The following NRXN1 variants were observed in gnomAD, a reference collection of about 807,000 sequenced individuals.
NRXN1 encodes the protein neurexin-1.
Under a neutral mutation model 150.9 loss-of-function variants are expected in NRXN1, and 39 were observed. That is an observed-to-expected ratio of 0.26 (90% confidence interval 0.20 to 0.34). The LOEUF (loss-of-function observed/expected upper bound fraction) is 0.34, where lower values mean the gene tolerates loss of function less well. NRXN1 is among the 10% of genes least tolerant of loss of function. The pLI, the probability that NRXN1 is intolerant of heterozygous loss-of-function variation, is 1.00. For synonymous variants in NRXN1, 924 were observed against 757.0 expected (o/e 1.22, Z -3.62); for missense variants, 1,815 against 1,949.9 (o/e 0.93, Z 1.30).
intron 17 of NRXN1, among the ~76,000 whole-genome samples, chr2:50,421,525 A>G (rs1332569089): frequency 6.6e-6 from 1 of 152,160 alleles, no homozygotes; most frequent in African/African-American, 2.4e-5. Context: ...CAGACATGAA[A>G]CAATATAATT....
intron 21 of NRXN1, among the ~76,000 whole-genome samples, chr2:50,036,795 T>C (rs1032958645): frequency 1.3e-5 from 2 of 152,176 alleles, no homozygotes; most frequent in Non-Finnish European, 2.9e-5. Context: ...GATTCTGTGA[T>C]TAAACCGGCC....
chr2:50,670,569 T>C (rs1688700384), intron 5 of NRXN1, among the ~76,000 whole-genome samples: 1 of 151,908 alleles, frequency 6.6e-6, no homozygotes, highest in South Asian at 2.1e-4. Context: ...TAACATGGAT[T>C]CAATATTATT....
intron 17 of NRXN1, among the ~76,000 whole-genome samples, chr2:50,394,135 C>T (rs1241382571): frequency 2.0e-5 from 3 of 152,060 alleles, no homozygotes; most frequent in African/African-American, 7.2e-5. Flanking sequence ...TATGAGAAGG[C>T]TCAGTTTTCA....
intron 5 of NRXN1, among the ~76,000 whole-genome samples, chr2:50,681,814 C>T (rs1482097816): frequency 1.3e-5 from 2 of 152,098 alleles, no homozygotes; most frequent in Admixed American, 1.3e-4. Flanking sequence ...AATGTTTATA[C>T]AAATTTGACT....
chr2:50,762,897 G>A (rs1338238511), intron 5 of NRXN1, among the ~76,000 whole-genome samples: 3 of 151,904 alleles, frequency 2.0e-5, no homozygotes, highest in African/African-American at 4.8e-5. Flanking sequence ...AGCCCTGCAC[G>A]ATTACTTGAA....
At chr2:50,044,385 T>G (rs1011587265) in intron 21 of NRXN1, among the ~76,000 whole-genome samples, 1 of 152,088 alleles carries the variant, frequency 6.6e-6, no homozygotes, top group African/African-American at 2.4e-5. Context: ...TCTACAGACT[T>G]GATGGTAATG....
intron 18 of NRXN1, among the ~76,000 whole-genome samples, chr2:50,108,557 T>C (rs1701972004): frequency 6.6e-6 from 1 of 152,114 alleles, no homozygotes; most frequent in Admixed American, 6.5e-5. Context: ...TTGAGAAATC[T>C]ATTAACATGC....
intron 17 of NRXN1, among the ~76,000 whole-genome samples, chr2:50,414,036 G>C (rs949012300): frequency 8.7e-6 from 1 of 115,330 alleles, no homozygotes; most frequent in African/African-American, 3.4e-5. Context: ...GGCTGGGAAG[G>C]GTAGTGGGGT....
intron 17 of NRXN1, among the ~76,000 whole-genome samples, chr2:50,301,344 A>G (rs537716778): frequency 3.9e-5 from 6 of 152,330 alleles, no homozygotes; most frequent in African/African-American, 1.4e-4. Flanking sequence ...CACAGAATTC[A>G]AGCACTGAGA....
chr2:50,158,247 C>T (rs995205557), intron 18 of NRXN1, among the ~76,000 whole-genome samples: 1 of 151,464 alleles, frequency 6.6e-6, no homozygotes, highest in Non-Finnish European at 1.5e-5. Flanking sequence ...GTCTGTGGAG[C>T]GTTCATCAGA....
intron 5 of NRXN1, among the ~76,000 whole-genome samples, chr2:50,753,001 T>C (rs1317224957): frequency 2.0e-5 from 3 of 151,948 alleles, no homozygotes; most frequent in Admixed American, 1.3e-4. Flanking sequence ...ATATAAATAC[T>C]ACTCAACTGA....
chr2:50,006,610 C>T (rs1184741950), intron 21 of NRXN1, among the ~76,000 whole-genome samples: 1 of 152,148 alleles, frequency 6.6e-6, no homozygotes, highest in African/African-American at 2.4e-5. Context: ...TACTCTTTTC[C>T]TCAACATTGC....
intron 17 of NRXN1, among the ~76,000 whole-genome samples, chr2:50,319,556 G>A (rs1017267332): frequency 6.6e-6 from 1 of 152,002 alleles, no homozygotes; most frequent in Non-Finnish European, 1.5e-5. Context: ...TAATTTCTGA[G>A]AAAATTACTC....
intron 17 of NRXN1, among the ~76,000 whole-genome samples, chr2:50,455,442 T>G (rs1206124357): frequency 1.3e-5 from 2 of 152,134 alleles, no homozygotes; most frequent in Non-Finnish European, 2.9e-5. Context: ...TTTAATGAGA[T>G]TTAATTTTAA....
At chr2:50,772,938 G>A (rs995128404) in intron 5 of NRXN1, among the ~76,000 whole-genome samples, 24 of 152,184 alleles carry the variant, frequency 1.6e-4, no homozygotes, top group African/African-American at 5.8e-4. Flanking sequence ...GAGGAGCCTC[G>A]TCCATCATAT....
At chr2:50,440,919 T>A (rs1253791342) in intron 17 of NRXN1, among the ~76,000 whole-genome samples, 1 of 152,188 alleles carries the variant, frequency 6.6e-6, no homozygotes, top group East Asian at 1.9e-4. Flanking sequence ...AGGTGAAATA[T>A]GAATCTTTAA....
At chr2:50,164,472 A>C (rs1225776229) in intron 18 of NRXN1, among the ~76,000 whole-genome samples, 1 of 152,236 alleles carries the variant, frequency 6.6e-6, no homozygotes. Context: ...CTAAAATGAT[A>C]GCATAATCCT....
chr2:50,315,930 G>T (rs767811635), intron 17 of NRXN1, among the ~76,000 whole-genome samples: 1 of 151,974 alleles, frequency 6.6e-6, no homozygotes, highest in Non-Finnish European at 1.5e-5. Context: ...AAGAATTTCG[G>T]GAATTCAATC....
At chr2:50,427,487 G>C (rs1416940819) in intron 17 of NRXN1, among the ~76,000 whole-genome samples, 1 of 152,054 alleles carries the variant, frequency 6.6e-6, no homozygotes, top group Non-Finnish European at 1.5e-5. Context: ...GAGTATGTGT[G>C]ACCCATTAGG....
Sources: allele counts gnomAD v4.1 joint callset (sites outside exome capture counted in the v4.1 genomes callset), GRCh38; gene constraint gnomAD v4.1.1; transcripts MANE v1.5; gene names NCBI Gene and HGNC (gene_info 2026-07-23, HGNC 2026-07-21).